The following ZFHX4 variants were observed in gnomAD, a reference collection of about 807,000 sequenced individuals.
ZFHX4 encodes zinc finger homeobox 4.
A neutral mutation model predicts 267.6 loss-of-function variants in ZFHX4; 56 were observed. The ratio of observed to expected loss-of-function variants is 0.21; its 90% CI spans 0.17 to 0.26. The LOEUF is 0.26. ZFHX4 is among the 10% of genes least tolerant of loss of function. The pLI is 1.00. For synonymous variants in ZFHX4, 1,778 were observed against 1,665.6 expected (o/e 1.07, Z -1.64); for missense variants, 4,332 against 4,420.0 (o/e 0.98, Z 0.56).
rs150387329 is a variant in ZFHX4 at position 76,734,016 on chromosome 8, C to G, written c.3093+25968C>G. ...GAATGAAATGTTTAATAAAGTACAT[C>G]GGGACTTGTTTTTATTGGTATTGCT... On this transcript the variant is annotated intron_variant, in intron 3 of 10. Coordinates refer to ENST00000651372, the MANE Select transcript of ZFHX4 (RefSeq NM_024721.5). Among the ~76,000 whole-genome samples the G allele has an allele frequency of 2.4e-3, 370 of 152,154 alleles. 1 individual carries two copies. Among genetic ancestry groups the G allele is most frequent in the African/African-American group, 8.2e-3 (341 of 41,512 alleles).
chr8:76,854,807 A>T lies in ZFHX4; in HGVS notation c.7886A>T (p.Asn2629Ile), dbSNP rs759309475. 6.8e-6 allele frequency: 11 copies of T among 1,611,242 alleles called. No homozygotes were observed. Among genetic ancestry groups the T allele is most frequent in the Non-Finnish European group, 9.3e-6 (11 of 1,179,026 alleles). ...ILYEKYLLDSNPTRKMLDHIA... is the reference protein window; with the variant it reads ...ILYEKYLLDSIPTRKMLDHIA... Reference sequence around the variant, plus strand: ...TATGAAAAATACTTGCTGGATTCCAATCCTACCAGAAAAATGCTTGATCAT... The same window carrying T: ...TATGAAAAATACTTGCTGGATTCCATTCCTACCAGAAAAATGCTTGATCAT... The change falls in exon 10 of 11, where the codon AAT becomes ATT. Residue 2629 changes from asparagine to isoleucine, a missense_variant. Physicochemically the swap from Asn to Ile is moderately radical, Grantham distance 149 (BLOSUM62 -3). Transcript: ENST00000651372.
intron 10 of ZFHX4, among the ~76,000 whole-genome samples, chr8:76,857,738 G>A (rs550097400): frequency 1.2e-4 from 18 of 151,976 alleles, no homozygotes; most frequent in African/African-American, 4.1e-4. Flanking sequence ...TCATTATCTA[G>A]ACAATTTTGG....
intron 4 of ZFHX4, among the ~76,000 whole-genome samples, chr8:76,832,102 A>G (rs1431482167): frequency 6.6e-6 from 1 of 152,142 alleles, no homozygotes; most frequent in Non-Finnish European, 1.5e-5. Context: ...CAATTAGTAA[A>G]TGCAATAATA....
Position 76,706,306 on chromosome 8 carries a change from G to T in ZFHX4, c.2218G>T (p.Gly740Cys). The T allele has an allele frequency of 6.2e-7, 1 of 1,614,090 alleles. No homozygotes were observed. Among genetic ancestry groups the T allele is most frequent in the Non-Finnish European group, 8.5e-7 (1 of 1,180,008 alleles). The change falls in exon 2 of 11, where the codon GGC (glycine) becomes TGC (cysteine). Residue 740 changes from glycine (G) to cysteine (C), a missense_variant. This residue lies in a region of ZFHX4 where 1,195 missense variants were observed against 1,173.6 expected (regional missense o/e 1.02). Transcript: ENST00000651372. ...LQNGNGEQVF[G>C]HSAPAPNTSL... ...AAATGGCAATGGTGAGCAGGTGTTT[G>T]GCCACTCTGCCCCAGCCCCCAACAC...
Position 76,863,290 on chromosome 8 carries a change from GC to G in ZFHX4, c.9577del (p.Gln3193LysfsTer7). On this transcript the variant is annotated frameshift_variant, in exon 11 of 11. Transcript: ENST00000651372. LOFTEE classifies it high-confidence loss of function. ...EQQNKESEKK[Q>X]TKPNKVKKIK... ...AACAGAACAAAGAATCTGAGAAAAAGCAAACTAAGCCAAACAAGGTGAAAAA... is the reference window on the plus strand; with the variant it reads ...AACAGAACAAAGAATCTGAGAAAAAGAAACTAAGCCAAACAAGGTGAAAAA... 1 of 1,612,680 alleles carries G rather than the reference GC, an allele frequency of 6.2e-7. No individual in the cohort carries two copies. The highest frequency in any genetic ancestry group is 8.5e-7 in the Non-Finnish European group (1 of 1,179,450).
At chr8:76,804,263 A>G (rs1453626561) in intron 4 of ZFHX4, among the ~76,000 whole-genome samples, 7 of 152,146 alleles carry the variant, frequency 4.6e-5, no homozygotes, top group Admixed American at 3.3e-4. Context: ...GTGTAACACA[A>G]TGTCCAAAAT....
intron 4 of ZFHX4, among the ~76,000 whole-genome samples, chr8:76,789,460 C>A (rs1401854984): frequency 6.6e-6 from 1 of 152,098 alleles, no homozygotes; most frequent in Non-Finnish European, 1.5e-5. Flanking sequence ...TAGCTTTCTG[C>A]ATTAATAAAG....
Position 76,853,802 on chromosome 8 carries a change from A to G in ZFHX4, c.6881A>G (p.Asn2294Ser). The G allele has an allele frequency of 1.2e-6, 2 of 1,613,838 alleles. No homozygotes were observed. The highest frequency in any genetic ancestry group is 1.7e-6 in the Non-Finnish European group (2 of 1,179,822). ...GAGAATCAAGCAGAAACAAAAGATA[A>G]TGAAAAAAGAGAACTCACTAATGAA... ...SYENQAETKD[N>S]EKRELTNERY... The change falls in exon 10 of 11, where the codon AAT (asparagine) becomes AGT (serine). Residue 2294 changes from asparagine (N) to serine (S), a missense_variant. Coordinates refer to ENST00000651372, the MANE Select transcript of ZFHX4 (RefSeq NM_024721.5).
At chr8:76,747,219 T>C (rs1368116090) in intron 3 of ZFHX4, among the ~76,000 whole-genome samples, 1 of 152,192 alleles carries the variant, frequency 6.6e-6, no homozygotes, top group African/African-American at 2.4e-5. Context: ...AATATATCAC[T>C]GTAAACATAA....
intron 4 of ZFHX4, among the ~76,000 whole-genome samples, chr8:76,817,020 A>G (rs543673761): frequency 6.6e-6 from 1 of 152,308 alleles, no homozygotes; most frequent in South Asian, 2.1e-4. Flanking sequence ...GAAATGGCAG[A>G]TCAGGAGTTT....
At chr8:76,771,883 G>A (rs988534872) in intron 3 of ZFHX4, among the ~76,000 whole-genome samples, 14 of 152,154 alleles carry the variant, frequency 9.2e-5, no homozygotes, top group African/African-American at 3.4e-4. Flanking sequence ...TAGTAGGGAA[G>A]AGAAAGCATC....
chr8:76,858,009 T>C (rs889730683), intron 10 of ZFHX4, among the ~76,000 whole-genome samples: 1 of 152,158 alleles, frequency 6.6e-6, no homozygotes, highest in Non-Finnish European at 1.5e-5. Flanking sequence ...AGTTGAAATA[T>C]CTGTACCTTT....
rs1811992566 is a variant in ZFHX4, at chr8:76,833,507, A to G, written c.3394+101A>G. ...AATAAACATTCTCTGGAACTTCTCT[A>G]ATTAGATCTGATCATATGCCTTATT... On this transcript the variant is annotated intron_variant, in intron 5 of 10. Coordinates refer to ENST00000651372, the MANE Select transcript of ZFHX4 (RefSeq NM_024721.5). 4 of 888,920 alleles carry G rather than the reference A, an allele frequency of 4.5e-6. No homozygotes were observed. In the South Asian group the frequency reaches 6.3e-5, roughly 14 times the overall value. 55.1% of individuals were successfully genotyped at this position (888,920 alleles called of 1,614,324 possible). A position where few individuals can be genotyped will look rare whatever the true frequency, so the allele number is the denominator to read the frequency against.
At chr8:76,702,207 A>G (rs964811906) in intron 1 of ZFHX4, among the ~76,000 whole-genome samples, 37 of 152,194 alleles carry the variant, frequency 2.4e-4, no homozygotes, top group African/African-American at 8.9e-4. Flanking sequence ...TTAAAATTAC[A>G]CACTAGGGTT....
chr8:76,830,338 TA>T (rs796512987), intron 4 of ZFHX4, among the ~76,000 whole-genome samples: 14 of 152,292 alleles, frequency 9.2e-5, no homozygotes, highest in African/African-American at 3.1e-4. Context: ...TGGCATTTTT[TA>T]AAAATACTAT....
chr8:76,733,895 G>A (rs1365753360), intron 3 of ZFHX4, among the ~76,000 whole-genome samples: 3 of 152,072 alleles, frequency 2.0e-5, no homozygotes, highest in African/African-American at 7.2e-5. Context: ...TTTCAGTAAA[G>A]GTTTGATAAT....
At chr8:76,809,738 T>A (rs80313878) in intron 4 of ZFHX4, among the ~76,000 whole-genome samples, 2,597 of 152,194 alleles carry the variant, frequency 0.017, 87 homozygotes, top group African/African-American at 0.058. Context: ...AAAAATACCA[T>A]TAATAAATGC....
intron 3 of ZFHX4, among the ~76,000 whole-genome samples, chr8:76,770,912 G>A (rs1220586044): frequency 6.6e-6 from 1 of 152,086 alleles, no homozygotes; most frequent in Non-Finnish European, 1.5e-5. Flanking sequence ...ATGAACTAAA[G>A]TTAGAATTGG....
intron 3 of ZFHX4, among the ~76,000 whole-genome samples, chr8:76,738,619 CTTCCTTCT>C (rs760334970): frequency 0.055 from 7,710 of 140,676 alleles, 308 homozygotes; most frequent in East Asian, 0.11. Context: ...TCCTTCCTTC[CTTCCTTCT>C]TTCCTTCCTT....
Sources: gnomAD v4.1 joint callset for allele counts (sites outside exome capture counted in the v4.1 genomes callset) on GRCh38, gnomAD v4.1.1 for gene constraint, gnomAD v4.1.1 regional missense constraint, MANE v1.5 for transcripts, NCBI Gene and HGNC (gene_info 2026-07-23, HGNC 2026-07-21) for gene names.